Variants in ELAVL3 observed in about 807,000 individuals in gnomAD.
ELAVL3 encodes ELAV-like protein 3.
In ELAVL3, 8 loss-of-function variants were observed where a neutral mutation model predicts 34.2. That is an observed-to-expected ratio of 0.23 (90% CI 0.14 to 0.42). The LOEUF (loss-of-function observed/expected upper bound fraction) is 0.42. Among genes scored for constraint, ELAVL3 ranks in the 10% least tolerant of loss-of-function variants. ELAVL3 has a pLI of 1.00. For missense variants in ELAVL3, 273 were observed against 518.8 expected (o/e 0.53, Z 4.60); for synonymous variants, 209 against 222.1 (o/e 0.94, Z 0.53).
chr19:11,480,516 C>T lies in ELAVL3; in HGVS notation c.9+84G>A. The T allele has an allele frequency of 2.8e-6, 4 of 1,417,912 alleles. No individual in the cohort carries two copies. Among genetic ancestry groups the T allele is most frequent in the Non-Finnish European group, 2.8e-6 (3 of 1,083,230 alleles). 87.8% of individuals were successfully genotyped at this position (1,417,912 alleles called of 1,614,324 possible). A position where few individuals can be genotyped will look rare whatever the true frequency, so the allele number is the denominator to read the frequency against. ...CTAGCTAGGCCTGGTCCTACCCCCCCCGCCGCACCCGCCCAATCTCCGCGG... is the reference window on the plus strand; with the variant it reads ...CTAGCTAGGCCTGGTCCTACCCCCCTCGCCGCACCCGCCCAATCTCCGCGG... On this transcript the variant is annotated intron_variant, in intron 1 of 6. Coordinates refer to ENST00000359227, the MANE Select transcript of ELAVL3 (RefSeq NM_001420.4). The surrounding 1 kb of genome is among the most constrained non-coding windows in gnomAD (Gnocchi z 6.8).
intron 3 of ELAVL3, among the ~76,000 whole-genome samples, chr19:11,465,782 G>A (rs1032369705): frequency 2.0e-5 from 3 of 151,680 alleles, no homozygotes; most frequent in African/African-American, 7.3e-5. Context: ...ATGGGGGATG[G>A]GCCGCCCCAA....
At chr19:11,479,550 C>A (rs570399729) in intron 1 of ELAVL3, among the ~76,000 whole-genome samples, 2 of 151,966 alleles carry the variant, frequency 1.3e-5, no homozygotes, top group East Asian at 3.9e-4. Context: ...GGGGGTGGAG[C>A]CGGGGTGGGG....
chr19:11,469,796 G>A (rs1195658748), intron 1 of ELAVL3, among the ~76,000 whole-genome samples: 1 of 152,084 alleles, frequency 6.6e-6, no homozygotes. Context: ...AGTGACTTAC[G>A]CCTGTAATTC....
At chr19:11,469,015 G>T (rs1168579182) in intron 1 of ELAVL3, among the ~76,000 whole-genome samples, 1 of 152,064 alleles carries the variant, frequency 6.6e-6, no homozygotes, top group Non-Finnish European at 1.5e-5. Flanking sequence ...TGCCTTCCAG[G>T]CTCCAGCAAT....
At chr19:11,476,196 T>G (rs1971259764) in intron 1 of ELAVL3, among the ~76,000 whole-genome samples, 1 of 152,172 alleles carries the variant, frequency 6.6e-6, no homozygotes, top group African/African-American at 2.4e-5. Flanking sequence ...ATTCCTCATG[T>G]GAAACTTCCA....
intron 3 of ELAVL3, among the ~76,000 whole-genome samples, chr19:11,464,811 CAT>C (rs1970989861): frequency 1.1e-5 from 1 of 91,196 alleles, no homozygotes; most frequent in African/African-American, 4.2e-5. Flanking sequence ...ACCACACACA[CAT>C]GCACCACACA....
At chr19:11,478,528 A>G (rs1971306337) in intron 1 of ELAVL3, among the ~76,000 whole-genome samples, 1 of 152,008 alleles carries the variant, frequency 6.6e-6, no homozygotes, top group Non-Finnish European at 1.5e-5. Context: ...AAAGTCAGGG[A>G]GGAGGAGGGC....
chr19:11,478,349 ATCTCGTTTCC>A (rs1395389254), intron 1 of ELAVL3, among the ~76,000 whole-genome samples: 3 of 152,100 alleles, frequency 2.0e-5, no homozygotes, highest in African/African-American at 7.2e-5. Flanking sequence ...CGGGACCAGT[ATCTCGTTTCC>A]TCTGTGGCTG....
In ELAVL3 at chr19:11,454,407, G is replaced by A. The variant is rs1233831144; in HGVS notation, c.*119C>T. ...GCTTCCGCAGGGACGTGGGGCCCTC[G>A]CGTCGTCCGTGGGGCTGCCTGTGCT... On this transcript the variant is annotated 3_prime_UTR_variant, in exon 7 of 7. Coordinates refer to ENST00000359227, the MANE Select transcript of ELAVL3 (RefSeq NM_001420.4). The surrounding 1 kb of genome is among the most constrained non-coding windows in gnomAD (Gnocchi z 9.2). 1.1e-5 allele frequency: 11 copies of A among 1,020,092 alleles called. No individual in the cohort carries two copies. The highest frequency in any genetic ancestry group is 1.5e-5 in the Non-Finnish European group (11 of 718,264). The allele number at this position is 1,020,092 out of a possible 1,614,324, so 63.2% of individuals were successfully genotyped here.
intron 1 of ELAVL3, among the ~76,000 whole-genome samples, chr19:11,468,996 T>C (rs1375837244): frequency 6.6e-6 from 1 of 152,188 alleles, no homozygotes; most frequent in Non-Finnish European, 1.5e-5. Flanking sequence ...CTTGGTTCAC[T>C]GCAACCTCTG....
intron 1 of ELAVL3, among the ~76,000 whole-genome samples, chr19:11,473,472 T>C (rs534267333): frequency 4.6e-5 from 7 of 152,354 alleles, no homozygotes; most frequent in Non-Finnish European, 1.0e-4. Flanking sequence ...GCCACACAAC[T>C]AGAAACAGCC....
At chr19:11,470,463 C>G (rs530166462) in intron 1 of ELAVL3, among the ~76,000 whole-genome samples, 92 of 150,752 alleles carry the variant, frequency 6.1e-4, no homozygotes, top group African/African-American at 2.2e-3. Flanking sequence ...GTCGGGAGTT[C>G]GAGACCAGCC....
intron 3 of ELAVL3, among the ~76,000 whole-genome samples, chr19:11,460,837 C>T (rs1244249203): frequency 2.0e-5 from 3 of 151,956 alleles, no homozygotes; most frequent in Non-Finnish European, 2.9e-5. Context: ...AACCCAACAA[C>T]GAAACTCTCT....
chr19:11,460,386 G>A (rs970860215), intron 3 of ELAVL3, among the ~76,000 whole-genome samples: 1 of 138,456 alleles, frequency 7.2e-6, no homozygotes, highest in Non-Finnish European at 1.5e-5. Flanking sequence ...GCCAGAGGGC[G>A]CCTGTGAACA....
chr19:11,459,592 T>TG (rs1970842209), intron 3 of ELAVL3, among the ~76,000 whole-genome samples: 2 of 149,730 alleles, frequency 1.3e-5, no homozygotes, highest in Admixed American at 1.3e-4. Context: ...ATTTTTTTTT[T>TG]TGTAGAAACA....
intron 3 of ELAVL3, among the ~76,000 whole-genome samples, chr19:11,459,499 T>G (rs1970839855): frequency 2.0e-5 from 3 of 151,496 alleles, no homozygotes; most frequent in African/African-American, 7.3e-5. Flanking sequence ...GAGCTCCTGA[T>G]CTCATGATCC....
Position 11,454,883 on chromosome 19 carries a change from T to C in ELAVL3, c.753-6A>G. 6.3e-7 allele frequency: 1 copy of C among 1,590,726 alleles called. No individual in the cohort carries two copies. Among genetic ancestry groups the C allele is most frequent in the South Asian group, 1.1e-5 (1 of 90,088 alleles). On this transcript the variant is annotated splice_polypyrimidine_tract_variant and splice_region_variant and intron_variant, in intron 6 of 6. Coordinates refer to ENST00000359227, the MANE Select transcript of ELAVL3 (RefSeq NM_001420.4). The surrounding 1 kb of genome is among the most constrained non-coding windows in gnomAD (Gnocchi z 9.2). The stretch of plus-strand genomic sequence containing the variant: ...TGGCGATGAGCGACAGGGGACTACT[T>C]TGGGGGTCACGCGGGCTCTGCCCTG...
chr19:11,453,072 G>C lies in ELAVL3; in HGVS notation c.*1454C>G, dbSNP rs1043292170. ...GTGCCGGGGTCTTGCTGCCGGGGAGGCCCAGTCCTGGTGGGGGAGGCTCAG... is the reference window on the plus strand; with the variant it reads ...GTGCCGGGGTCTTGCTGCCGGGGAGCCCCAGTCCTGGTGGGGGAGGCTCAG... On this transcript the variant is annotated 3_prime_UTR_variant, in exon 7 of 7. Transcript: ENST00000359227. 24 of 151,956 alleles carry C rather than the reference G, an allele frequency of 1.6e-4. No individual in the cohort carries two copies. Among genetic ancestry groups the C allele is most frequent in the Non-Finnish European group, 1.5e-5 (1 of 67,998 alleles). The allele number at this position is 151,956 out of a possible 1,614,324, so 9.4% of individuals were successfully genotyped here.
intron 6 of ELAVL3, among the ~76,000 whole-genome samples, chr19:11,455,094 G>T (rs1321071819): frequency 6.6e-6 from 1 of 151,924 alleles, no homozygotes; most frequent in African/African-American, 2.4e-5. Flanking sequence ...GACCTCCTGG[G>T]CTCAAGCAAA....
Sources: allele counts gnomAD v4.1 joint callset (sites outside exome capture counted in the v4.1 genomes callset), GRCh38; gene constraint gnomAD v4.1.1; non-coding constraint Gnocchi (gnomAD v3.1); transcripts MANE v1.5; gene names NCBI Gene and HGNC (gene_info 2026-07-23, HGNC 2026-07-21).